RAB33A: variants seen among roughly 807,000 people sequenced by gnomAD.
The protein encoded by RAB33A is ras-related protein Rab-33A.
A neutral mutation model predicts 12.0 loss-of-function variants in RAB33A; 6 were observed. That is an observed-to-expected ratio of 0.50 (90% CI 0.27 to 0.99). RAB33A has a LOEUF of 0.99. RAB33A is among the 50% of genes least tolerant of loss of function. RAB33A has a pLI of 0.11. For missense variants in RAB33A, 109 were observed against 192.0 expected, an observed-to-expected ratio of 0.57 and a Z score of 2.55; for synonymous variants, 70 against 82.4, an observed-to-expected ratio of 0.85 and a Z score of 0.81.
At chrX:130,174,209 G>A (rs1023851733) in intron 1 of RAB33A, among the ~76,000 whole-genome samples, 1 of 112,531 alleles carries the variant, frequency 8.9e-6, no homozygotes, top group Admixed American at 9.4e-5. Context: ...GCCTGTGACA[G>A]TGTGACTCAC....
At chrX:130,176,146 C>A (rs1369561559) in intron 1 of RAB33A, among the ~76,000 whole-genome samples, 3 of 111,621 alleles carry the variant, frequency 2.7e-5, no homozygotes, top group African/African-American at 9.8e-5. Flanking sequence ...AGGGTGGAGG[C>A]ATCCCCCAGC....
At chrX:130,160,932 CTT>C in the RAB33A span, among the ~76,000 whole-genome samples, 5 of 109,035 alleles carry the variant, frequency 4.6e-5, no homozygotes, top group South Asian at 3.8e-4. Context: ...AAAAAATAAA[CTT>C]AAGAGTTTTT....
the RAB33A span, chrX:130,129,760 C>T: frequency 1.3e-6 from 1 of 761,904 alleles, no homozygotes; most frequent in Non-Finnish European, 2.0e-6. Context: ...TCTCTACTAA[C>T]CCCAAACAAG....
chrX:130,135,439 T>TTTAA, the RAB33A span, among the ~76,000 whole-genome samples: 144 of 72,939 alleles, frequency 2.0e-3, 1 homozygote, highest in African/African-American at 7.8e-3. Context: ...TTTTTTTTTT[T>TTTAA]AAAAAAAAAA....
the RAB33A span, among the ~76,000 whole-genome samples, chrX:130,123,347 A>G: frequency 9.0e-6 from 1 of 111,657 alleles, no homozygotes; most frequent in African/African-American, 3.3e-5. Flanking sequence ...TTTGGGAGAA[A>G]ACACACGAGC....
intron 1 of RAB33A, among the ~76,000 whole-genome samples, chrX:130,178,527 G>A (rs1247482740): frequency 4.5e-5 from 5 of 110,455 alleles, no homozygotes; most frequent in African/African-American, 1.3e-4. Flanking sequence ...TACTCGGGAG[G>A]CCAAGGTGGG....
chrX:130,166,499 A>G, the RAB33A span, among the ~76,000 whole-genome samples: 1 of 112,372 alleles, frequency 8.9e-6, no homozygotes, highest in African/African-American at 3.2e-5. Flanking sequence ...GAAGTCTGCT[A>G]AGCAGAACTT....
At chrX:130,126,633 C>T in the RAB33A span, among the ~76,000 whole-genome samples, 1 of 111,870 alleles carries the variant, frequency 8.9e-6, no homozygotes, top group Non-Finnish European at 1.9e-5. Context: ...CTCCCATAAA[C>T]AACCTGAATT....
At chrX:130,130,033 C>T in the RAB33A span, 75 of 1,209,701 alleles carry the variant, frequency 6.2e-5, no homozygotes, top group East Asian at 2.1e-3. Flanking sequence ...CCACTTTGTC[C>T]CTGAGGTAGA....
At chrX:130,155,304 G>A in the RAB33A span, 1 of 1,205,730 alleles carries the variant, frequency 8.3e-7, no homozygotes, top group Non-Finnish European at 1.1e-6. Flanking sequence ...TAAAGATAAG[G>A]CCAAGAGAGA....
chrX:130,153,893 T>C, the RAB33A span, among the ~76,000 whole-genome samples: 383 of 112,231 alleles, frequency 3.4e-3, 3 homozygotes, highest in African/African-American at 0.012. Flanking sequence ...CCGTGGTGTT[T>C]TGTTATGGCA....
chrX:130,158,581 T>C, the RAB33A span, among the ~76,000 whole-genome samples: 2 of 110,151 alleles, frequency 1.8e-5, no homozygotes, highest in Admixed American at 9.7e-5. Context: ...GGACCACACA[T>C]TGAGAACCAT....
chrX:130,155,356 T>C, the RAB33A span: 3 of 1,152,930 alleles, frequency 2.6e-6, no homozygotes, highest in Non-Finnish European at 3.5e-6. Context: ...GAAGAAACAT[T>C]CAATACAAAG....
At chrX:130,158,373 T>C in the RAB33A span, among the ~76,000 whole-genome samples, 1 of 112,324 alleles carries the variant, frequency 8.9e-6, no homozygotes, top group African/African-American at 3.2e-5. Flanking sequence ...GTGGCTGTAG[T>C]TGGCAGACCC....
At chrX:130,180,869 G>A (rs1397535876) in intron 1 of RAB33A, among the ~76,000 whole-genome samples, 4 of 104,225 alleles carry the variant, frequency 3.8e-5, no homozygotes, top group African/African-American at 1.0e-4. Flanking sequence ...TTAGCCAGGC[G>A]CAGTGGCACA....
the RAB33A span, among the ~76,000 whole-genome samples, chrX:130,114,897 G>A: frequency 8.9e-6 from 1 of 111,822 alleles, no homozygotes; most frequent in Non-Finnish European, 1.9e-5. Flanking sequence ...CAACTCCTGG[G>A]CTCAAGCGAT....
the RAB33A span, among the ~76,000 whole-genome samples, chrX:130,121,960 G>A: frequency 4.5e-5 from 5 of 112,073 alleles, no homozygotes; most frequent in African/African-American, 1.6e-4. Flanking sequence ...AACAGCTTCT[G>A]CCACTGAAGG....
At chrX:130,147,373 A>G in the RAB33A span, 1 of 900,246 alleles carries the variant, frequency 1.1e-6, no homozygotes, top group Non-Finnish European at 1.6e-6. Flanking sequence ...GGACCACAGT[A>G]GACTCTAGTG....
the RAB33A span, among the ~76,000 whole-genome samples, chrX:130,124,065 T>G: frequency 9.0e-6 from 1 of 111,675 alleles, no homozygotes; most frequent in African/African-American, 3.3e-5. Flanking sequence ...TGAGACCCCA[T>G]CTCTATTTTT....
Sources: allele counts gnomAD v4.1 joint callset (sites outside exome capture counted in the v4.1 genomes callset), GRCh38; gene constraint gnomAD v4.1.1; transcripts MANE v1.5; gene names NCBI Gene and HGNC (gene_info 2026-07-23, HGNC 2026-07-21).